The following PCDH11Y variants were observed in gnomAD, a reference collection of about 807,000 sequenced individuals.
PCDH11Y encodes the protein protocadherin-11 Y-linked.
For missense variants in PCDH11Y, 12 were observed against 224.8 expected (o/e 0.05, Z 6.05); for synonymous variants, 9 against 83.6 (o/e 0.11, Z 4.87).
intron 1 of PCDH11Y, among the ~76,000 whole-genome samples, chrY:5,024,284 A>G: frequency 3.0e-5 from 1 of 33,253 alleles, no homozygotes; most frequent in Non-Finnish European, 7.5e-5. Flanking sequence ...ATTTCTCCTC[A>G]CATCTGCAGA....
intron 2 of PCDH11Y, among the ~76,000 whole-genome samples, chrY:5,134,477 G>T: frequency 3.1e-5 from 1 of 32,720 alleles, no homozygotes; most frequent in African/African-American, 1.2e-4. Context: ...AGTATGATGG[G>T]TCTGTCATAT....
At chrY:5,532,977 G>A (rs2053396598) in intron 3 of PCDH11Y, among the ~76,000 whole-genome samples, 5 of 29,593 alleles carry the variant, frequency 1.7e-4, no homozygotes, top group South Asian at 8.3e-4. Context: ...GACTACAGGC[G>A]CGCGCCACCA....
intron 2 of PCDH11Y, among the ~76,000 whole-genome samples, chrY:5,461,533 A>G (rs2124683829): frequency 3.0e-5 from 1 of 33,634 alleles, no homozygotes; most frequent in Non-Finnish European, 7.4e-5. Flanking sequence ...TAGTCTTCTA[A>G]TTCAACAAAA....
At chrY:5,328,775 GGTGGAGGA>G (rs2053125980) in intron 2 of PCDH11Y, among the ~76,000 whole-genome samples, 1 of 31,889 alleles carries the variant, frequency 3.1e-5, no homozygotes, top group Non-Finnish European at 7.6e-5. Flanking sequence ...AAGATTATAG[GGTGGAGGA>G]GTGGAGGCTG....
chrY:5,400,701 T>TA (rs1326552342), intron 2 of PCDH11Y, among the ~76,000 whole-genome samples: 23 of 5,414 alleles, frequency 4.2e-3, no homozygotes, highest in East Asian at 0.037. Flanking sequence ...ATTCAAAAAG[T>TA]AAAAAAAAAA....
intron 3 of PCDH11Y, among the ~76,000 whole-genome samples, chrY:5,043,446 T>A: frequency 3.0e-5 from 1 of 33,552 alleles, no homozygotes; most frequent in African/African-American, 1.2e-4. Flanking sequence ...CAGCCTTGCA[T>A]CCTAGGGATG....
intron 2 of PCDH11Y, among the ~76,000 whole-genome samples, chrY:5,189,999 CTG>C (rs2052910382): frequency 3.0e-5 from 1 of 33,333 alleles, no homozygotes; most frequent in African/African-American, 1.2e-4. Flanking sequence ...CATACAAACA[CTG>C]TGTATCACAC....
At chrY:5,219,665 C>T in intron 2 of PCDH11Y, among the ~76,000 whole-genome samples, 1 of 33,236 alleles carries the variant, frequency 3.0e-5, no homozygotes, top group Non-Finnish European at 7.5e-5. Context: ...AATATGTCCT[C>T]CTATTCTGTA....
intron 2 of PCDH11Y, among the ~76,000 whole-genome samples, chrY:5,395,105 T>C (rs2053225831): frequency 3.0e-5 from 1 of 33,074 alleles, no homozygotes; most frequent in East Asian, 7.8e-4. Context: ...CATCAGGGTA[T>C]GAACAGAAGG....
intron 3 of PCDH11Y, among the ~76,000 whole-genome samples, chrY:5,551,947 G>A: frequency 3.2e-5 from 1 of 31,582 alleles, no homozygotes; most frequent in Non-Finnish European, 7.8e-5. Context: ...TGTTTTTATG[G>A]GTCTTCATTT....
intron 2 of PCDH11Y, among the ~76,000 whole-genome samples, chrY:5,434,242 A>C: frequency 3.0e-5 from 1 of 32,977 alleles, no homozygotes; most frequent in African/African-American, 1.2e-4. Flanking sequence ...CTATATATTG[A>C]AACAAAGACA....
intron 4 of PCDH11Y, among the ~76,000 whole-genome samples, chrY:5,593,185 T>G: frequency 3.0e-5 from 1 of 32,867 alleles, no homozygotes; most frequent in African/African-American, 1.2e-4. Context: ...TTCCATTTTT[T>G]TGGAGGTTTT....
intron 1 of PCDH11Y, among the ~76,000 whole-genome samples, chrY:5,015,895 A>C: frequency 3.2e-5 from 1 of 31,595 alleles, no homozygotes; most frequent in Non-Finnish European, 7.7e-5. Flanking sequence ...AATGGGTATC[A>C]TGATATCTGA....
chrY:5,702,087 G>A, intron 4 of PCDH11Y, among the ~76,000 whole-genome samples: 1 of 33,091 alleles, frequency 3.0e-5, no homozygotes, highest in Non-Finnish European at 7.4e-5. Context: ...GTTGTATCTA[G>A]GAAATAGCAA....
At chrY:5,609,609 G>C (rs2053484395) in intron 4 of PCDH11Y, among the ~76,000 whole-genome samples, 1 of 8,495 alleles carries the variant, frequency 1.2e-4, no homozygotes, top group African/African-American at 5.1e-4. Context: ...GGTCAATTTT[G>C]GAATAGGTGT....
At chrY:5,294,805 G>C in intron 2 of PCDH11Y, among the ~76,000 whole-genome samples, 1 of 32,746 alleles carries the variant, frequency 3.1e-5, no homozygotes, top group Non-Finnish European at 7.5e-5. Context: ...TGTTATACTC[G>C]TCTGTGTTTT....
At chrY:5,382,960 G>T (rs2053206574) in intron 2 of PCDH11Y, among the ~76,000 whole-genome samples, 1 of 32,918 alleles carries the variant, frequency 3.0e-5, no homozygotes, top group African/African-American at 1.2e-4. Context: ...CCAGCACTTT[G>T]GGGGGCTGAG....
intron 1 of PCDH11Y, among the ~76,000 whole-genome samples, chrY:5,012,676 T>G (rs2052552821): frequency 3.8e-5 from 1 of 26,558 alleles, no homozygotes; most frequent in South Asian, 9.9e-4. Context: ...GGGTTTTTTT[T>G]TTTTTTTTTT....
intron 2 of PCDH11Y, among the ~76,000 whole-genome samples, chrY:5,148,103 T>A (rs2052859878): frequency 1.8e-4 from 6 of 33,858 alleles, no homozygotes; most frequent in Admixed American, 5.4e-4. Flanking sequence ...TCAAGCCATA[T>A]GCATAATTTA....
Sources: gnomAD v4.1 joint callset for allele counts (sites outside exome capture counted in the v4.1 genomes callset) on GRCh38, gnomAD v4.1.1 for gene constraint, MANE v1.5 for transcripts, NCBI Gene and HGNC (gene_info 2026-07-23, HGNC 2026-07-21) for gene names.